DYNC2I1: variants seen among roughly 807,000 people sequenced by gnomAD.
DYNC2I1 encodes dynein 2 intermediate chain 1.
In DYNC2I1, 89 loss-of-function variants were observed where a neutral mutation model predicts 133.4. The observed-to-expected ratio is 0.67, with a 90% confidence interval of 0.56 to 0.80. The LOEUF (loss-of-function observed/expected upper bound fraction) is 0.80, where lower values mean the gene tolerates loss of function less well. Ranked by LOEUF, DYNC2I1 falls within the 30% of genes least tolerant of loss-of-function variation. The pLI, the probability that DYNC2I1 is intolerant of heterozygous loss-of-function variation, is 0.00. For missense variants in DYNC2I1, 1,291 were observed against 1,314.5 expected (o/e 0.98, Z 0.28); for synonymous variants, 504 against 484.3 (o/e 1.04, Z -0.54).
In DYNC2I1 at chr7:158,916,746, C is replaced by A. The variant is rs369818284; in HGVS notation, c.1792-1994C>A. Among the ~76,000 whole-genome samples, 7 of 46,644 alleles carry A rather than the reference C, an allele frequency of 1.5e-4. No homozygotes were observed. The East Asian group carries it at 2.8e-3, about 19-fold the overall frequency. The allele number at this position is 46,644 out of a possible 152,430, so 30.6% of individuals were successfully genotyped here. ...GACATTAAGGATGATTGTGAAACGT[C>A]TACACGCTGGTTGACATTAAGGATG... On this transcript the variant is annotated intron_variant, in intron 14 of 24. Transcript: ENST00000407559.
At chr7:158,954,626 C>G (rs535123364) in intron 4 of DYNC2I1, among the ~76,000 whole-genome samples, 3 of 152,104 alleles carry the variant, frequency 2.0e-5, no homozygotes, top group South Asian at 2.1e-4. Flanking sequence ...CCAGCCTGGA[C>G]GACAGAATGA....
chr7:158,883,476 A>G (rs1400845623), intron 5 of DYNC2I1, among the ~76,000 whole-genome samples: 1 of 150,064 alleles, frequency 6.7e-6, no homozygotes, highest in Non-Finnish European at 1.5e-5. Flanking sequence ...GCCTTGGCCT[A>G]CCAAGGCCAA....
chr7:158,854,965 G>A (rs186525636), upstream of DYNC2I1, among the ~76,000 whole-genome samples: 8 of 152,312 alleles, frequency 5.3e-5, no homozygotes, highest in East Asian at 1.9e-4. Flanking sequence ...CTGCCTTCAC[G>A]GGGGCCTGGC....
Position 158,929,630 on chromosome 7 carries a change from C to T in DYNC2I1, c.2486-825C>T, listed in dbSNP as rs138792234. On this transcript the variant is annotated intron_variant, in intron 20 of 24. Coordinates refer to ENST00000407559, the MANE Select transcript of DYNC2I1 (RefSeq NM_018051.5). The stretch of plus-strand genomic sequence containing the variant: ...CTGTGGTTGTGACTGGCAGGAGATA[C>T]GCAGCAGCTACAGGGACCCTGCCCA... 7.3e-3 allele frequency among the ~76,000 whole-genome samples: 1,106 copies of T among 152,338 alleles called. 15 individuals carry two copies. Among genetic ancestry groups the T allele is most frequent in the African/African-American group, 0.025 (1,019 of 41,582 alleles).
At chr7:158,931,037 T>G (rs746754886) in intron 21 of DYNC2I1, among the ~76,000 whole-genome samples, 1 of 152,222 alleles carries the variant, frequency 6.6e-6, no homozygotes, top group African/African-American at 2.4e-5. Context: ...CATTTTGTCA[T>G]TAAGTAGAGG....
At chr7:158,905,904 C>A (rs1391518611) in intron 10 of DYNC2I1, 85 bp from the exon 11 acceptor site, 2 of 952,228 alleles carry the variant, frequency 2.1e-6, no homozygotes, top group African/African-American at 1.6e-5. Flanking sequence ...GTTATATATG[C>A]CTATAATTGT....
chr7:158,906,932 A>C (rs1391225059), intron 11 of DYNC2I1, among the ~76,000 whole-genome samples: 1 of 152,182 alleles, frequency 6.6e-6, no homozygotes, highest in Non-Finnish European at 1.5e-5. Flanking sequence ...TGAGCACAGG[A>C]GTTCAAGAGC....
chr7:158,951,067 A>G (rs907879968), downstream of DYNC2I1, among the ~76,000 whole-genome samples: 3 of 152,224 alleles, frequency 2.0e-5, no homozygotes, highest in Admixed American at 6.5e-5. Flanking sequence ...CACAGCCTTT[A>G]ATGTGTCAGT....
intron 23 of DYNC2I1, among the ~76,000 whole-genome samples, chr7:158,938,427 G>A (rs1850984643): frequency 6.6e-6 from 1 of 152,176 alleles, no homozygotes; most frequent in Admixed American, 6.5e-5. Flanking sequence ...TACAAAAGCT[G>A]AGAGAATTCA....
intron 11 of DYNC2I1, among the ~76,000 whole-genome samples, chr7:158,906,976 A>G (rs1445146209): frequency 6.6e-6 from 1 of 152,160 alleles, no homozygotes; most frequent in East Asian, 1.9e-4. Flanking sequence ...CCTGAGCAGC[A>G]TAGCGAGACG....
chr7:158,908,108 G>C (rs1050580991), intron 11 of DYNC2I1, among the ~76,000 whole-genome samples: 46 of 152,092 alleles, frequency 3.0e-4, no homozygotes, highest in African/African-American at 1.1e-3. Context: ...GAAAAATGTA[G>C]GAGTCCACAC....
chr7:158,881,957 G>A (rs941351600), intron 5 of DYNC2I1, among the ~76,000 whole-genome samples: 2 of 152,168 alleles, frequency 1.3e-5, no homozygotes, highest in African/African-American at 4.8e-5. Flanking sequence ...ATTACTGGAA[G>A]TGACTTAGGT....
At chr7:158,860,271 C>T (rs148590120) in intron 1 of DYNC2I1, among the ~76,000 whole-genome samples, 33 of 152,160 alleles carry the variant, frequency 2.2e-4, no homozygotes, top group African/African-American at 6.7e-4. Flanking sequence ...GTTGGCCAGG[C>T]TGGTCTGGAA....
intron 17 of DYNC2I1, among the ~76,000 whole-genome samples, chr7:158,925,624 G>A (rs1052091336): frequency 1.1e-4 from 17 of 152,176 alleles, no homozygotes; most frequent in African/African-American, 4.1e-4. Context: ...ATTGATTGGC[G>A]ACAGGTATCT....
At chr7:158,929,676 C>T (rs1850015822) in intron 20 of DYNC2I1, among the ~76,000 whole-genome samples, 1 of 152,254 alleles carries the variant, frequency 6.6e-6, no homozygotes, top group Admixed American at 6.5e-5. Context: ...GGGCTTATTT[C>T]TATCTCCTTT....
chr7:158,890,005 C>CAA (rs35423707), intron 7 of DYNC2I1, among the ~76,000 whole-genome samples: 814 of 67,718 alleles, frequency 0.012, 11 homozygotes, highest in Middle Eastern at 0.032. Context: ...GACTCCTTCT[C>CAA]AAAAAAAAAA....
intron 20 of DYNC2I1, among the ~76,000 whole-genome samples, chr7:158,929,619 G>A (rs983368359): frequency 6.6e-6 from 1 of 152,266 alleles, no homozygotes; most frequent in Admixed American, 6.5e-5. Flanking sequence ...GGTTGTGACT[G>A]GCAGGAGATA....
At chr7:158,890,199 G>A (rs1257337179) in intron 7 of DYNC2I1, among the ~76,000 whole-genome samples, 1 of 151,970 alleles carries the variant, frequency 6.6e-6, no homozygotes, top group African/African-American at 2.4e-5. Context: ...GAAGAAACAT[G>A]AAATTAATTT....
chr7:158,859,678 T>G (rs1255636481), intron 1 of DYNC2I1, among the ~76,000 whole-genome samples: 1 of 152,166 alleles, frequency 6.6e-6, no homozygotes, highest in Non-Finnish European at 1.5e-5. Flanking sequence ...AATTTTTGTA[T>G]TTTTAGCAGA....
Sources: allele counts gnomAD v4.1 joint callset (sites outside exome capture counted in the v4.1 genomes callset), GRCh38; gene constraint gnomAD v4.1.1; transcripts MANE v1.5; gene names NCBI Gene and HGNC (gene_info 2026-07-23, HGNC 2026-07-21).